Variants in MCHR2 observed in about 807,000 individuals in gnomAD.
The protein encoded by MCHR2 is melanin concentrating hormone receptor 2, also known as melanin-concentrating hormone receptor 2.
In MCHR2, 15 loss-of-function variants were observed where a neutral mutation model predicts 24.8. The ratio of observed to expected loss-of-function variants is 0.60; its 90% CI spans 0.40 to 0.93. The LOEUF (loss-of-function observed/expected upper bound fraction) is 0.93, where lower values mean the gene tolerates loss of function less well. Ranked by LOEUF, MCHR2 falls within the 40% of genes least tolerant of loss-of-function variation. The pLI, the probability that MCHR2 is intolerant of heterozygous loss-of-function variation, is 0.00. For synonymous variants in MCHR2, 151 were observed against 147.6 expected (o/e 1.02, Z -0.17); for missense variants, 386 against 408.7 (o/e 0.94, Z 0.48).
intron 5 of MCHR2, among the ~76,000 whole-genome samples, chr6:99,929,774 C>A (rs9389856): frequency 6.7e-6 from 1 of 149,620 alleles, no homozygotes; most frequent in Non-Finnish European, 1.5e-5. Context: ...CACACTGATG[C>A]ATCTTGACTC....
intron 5 of MCHR2, among the ~76,000 whole-genome samples, chr6:99,932,186 C>G (rs1271389453): frequency 6.6e-6 from 1 of 152,068 alleles, no homozygotes; most frequent in African/African-American, 2.4e-5. Context: ...TGTTATGCCA[C>G]TCTCTCCTGG....
chr6:99,955,577 A>G (rs1159250557), intron 2 of MCHR2, among the ~76,000 whole-genome samples: 1 of 152,136 alleles, frequency 6.6e-6, no homozygotes, highest in Admixed American at 6.6e-5. Flanking sequence ...GAAATGTTGC[A>G]TTGCAGTTTT....
At chr6:99,978,731 T>C (rs762540218) in intron 1 of MCHR2, among the ~76,000 whole-genome samples, 3 of 152,090 alleles carry the variant, frequency 2.0e-5, no homozygotes, top group Non-Finnish European at 4.4e-5. Flanking sequence ...GACAGTTCTT[T>C]AGAAGAAAAG....
intron 1 of MCHR2, among the ~76,000 whole-genome samples, chr6:99,984,868 G>GA (rs1775742669): frequency 6.6e-6 from 1 of 152,044 alleles, no homozygotes; most frequent in Non-Finnish European, 1.5e-5. Context: ...CATTCAATCA[G>GA]AAAAAAGTAA....
chr6:99,949,143 A>C (rs539817279), intron 2 of MCHR2, among the ~76,000 whole-genome samples: 8 of 152,212 alleles, frequency 5.3e-5, no homozygotes, highest in Non-Finnish European at 1.2e-4. Context: ...GATTCTGTTC[A>C]TTAATTCAAA....
In MCHR2 at chr6:99,934,517, C is replaced by A. The variant is rs747754670; in HGVS notation, c.588G>T (p.Trp196Cys). Reference protein sequence around the residue: ...FDLTSPDDVLWYTLYLTITTF... With the variant: ...FDLTSPDDVLCYTLYLTITTF... ...TTGTTATCGTCAAATAAAGTGTATA[C>A]CTGTAAAATGAGAGAGAGAAGAGAG... is the stretch of plus-strand genomic sequence containing the variant. The change falls in exon 5 of 6, where the codon TGG (tryptophan) becomes TGT (cysteine). Residue 196 changes from tryptophan to cysteine, a missense_variant and splice_region_variant. Coordinates refer to ENST00000281806, the MANE Select transcript of MCHR2 (RefSeq NM_001040179.2). 1.3e-6 allele frequency: 2 copies of A among 1,573,018 alleles called. No individual in the cohort carries two copies. Among genetic ancestry groups the A allele is most frequent in the Middle Eastern group, 1.7e-4 (1 of 5,872 alleles).
rs1460655301 is a variant in MCHR2, at chr6:99,920,173, TCTC to T, written c.*764_*766del. ...CAACTCATTTCTATCAGACTTTAGT[TCTC>T]CTCTTGTAGGGCTACAGGAGAAAGC... On this transcript the variant is annotated 3_prime_UTR_variant, in exon 6 of 6. Coordinates refer to ENST00000281806, the MANE Select transcript of MCHR2 (RefSeq NM_001040179.2). The T allele has an allele frequency of 6.6e-6, 1 of 152,202 alleles. No homozygotes were observed. Among genetic ancestry groups the T allele is most frequent in the African/African-American group, 2.4e-5 (1 of 41,452 alleles). The allele number at this position is 152,202 out of a possible 1,614,324, so 9.4% of individuals were successfully genotyped here.
At chr6:99,951,576 C>T (rs191886759) in intron 2 of MCHR2, among the ~76,000 whole-genome samples, 3 of 152,276 alleles carry the variant, frequency 2.0e-5, no homozygotes, top group African/African-American at 7.2e-5. Context: ...TATTGGCCAA[C>T]TGGACCACAG....
rs962740752 is a variant in MCHR2 at position 99,970,958 on chromosome 6, A to G, written c.-27-14784T>C. ...GTACCAGTACCATGCTGTTTTGGTT[A>G]CTGTAGCCTTGTAGTATAGTTTGAA... On this transcript the variant is annotated intron_variant, in intron 1 of 5. Coordinates refer to ENST00000281806, the MANE Select transcript of MCHR2 (RefSeq NM_001040179.2). 1.3e-4 allele frequency among the ~76,000 whole-genome samples: 20 copies of G among 152,286 alleles called. No individual in the cohort carries two copies. In the East Asian group the frequency reaches 2.7e-3, roughly 21 times the overall value.
intron 2 of MCHR2, among the ~76,000 whole-genome samples, chr6:99,955,535 G>A (rs559431170): frequency 6.6e-6 from 1 of 152,222 alleles, no homozygotes; most frequent in African/African-American, 2.4e-5. Flanking sequence ...AAACAGGTCA[G>A]CTTTTTAGGA....
At chr6:99,955,934 A>AT in intron 2 of MCHR2, 32 bp downstream of exon 2, 1 of 1,435,776 alleles carries the variant, frequency 7.0e-7, no homozygotes, top group South Asian at 1.5e-5. Context: ...AAAGTATGGA[A>AT]GGAAAAAAAA....
At chr6:99,933,252 A>G (rs1343947560) in intron 5 of MCHR2, among the ~76,000 whole-genome samples, 2 of 152,034 alleles carry the variant, frequency 1.3e-5, no homozygotes, top group Non-Finnish European at 2.9e-5. Flanking sequence ...TTGCATTTTT[A>G]TGTGTATGAG....
chr6:99,935,558 T>A (rs1365535435), intron 4 of MCHR2, among the ~76,000 whole-genome samples: 1 of 152,046 alleles, frequency 6.6e-6, no homozygotes, highest in African/African-American at 2.4e-5. Flanking sequence ...TTTTTATGGA[T>A]GAATGATATT....
chr6:99,976,019 T>C (rs1041199578), intron 1 of MCHR2, among the ~76,000 whole-genome samples: 7 of 152,176 alleles, frequency 4.6e-5, no homozygotes, highest in Non-Finnish European at 1.0e-4. Context: ...GGTGCAGGGT[T>C]TGTGGATCTT....
At chr6:99,958,224 G>A (rs961511867) in intron 1 of MCHR2, among the ~76,000 whole-genome samples, 2 of 152,006 alleles carry the variant, frequency 1.3e-5, no homozygotes, top group African/African-American at 4.8e-5. Context: ...TGTCACTTTA[G>A]AGAAGTGAGG....
rs199939491 is a variant in MCHR2, at chr6:99,956,186, T to G, written c.-27-12A>C. 6.6e-7 allele frequency: 1 copy of G among 1,524,064 alleles called. No homozygotes were observed. The highest frequency in any genetic ancestry group is 8.9e-7 in the Non-Finnish European group (1 of 1,119,498). The allele number at this position is 1,524,064 out of a possible 1,614,324, so 94.4% of individuals were successfully genotyped here. A position where few individuals can be genotyped will look rare whatever the true frequency, so the allele number is the denominator to read the frequency against. ...TCCAGGGATTAAAGCTGTGAAGTAA[T>G]AGGAAGTGATTTATTTAGTGAACAT... On this transcript the variant is annotated splice_polypyrimidine_tract_variant and intron_variant, in intron 1 of 5. Transcript: ENST00000281806.
intron 5 of MCHR2, among the ~76,000 whole-genome samples, chr6:99,928,918 A>C (rs939895506): frequency 5.3e-5 from 8 of 151,864 alleles, no homozygotes; most frequent in Non-Finnish European, 8.8e-5. Flanking sequence ...TACTTCTTTT[A>C]ATTGTGATGT....
chr6:99,928,668 G>C (rs887805050), intron 5 of MCHR2, among the ~76,000 whole-genome samples: 3 of 152,114 alleles, frequency 2.0e-5, no homozygotes, highest in Admixed American at 2.0e-4. Context: ...GTATTTCTGT[G>C]GGATCAGTGG....
chr6:99,928,526 G>A (rs1368912123), intron 5 of MCHR2, among the ~76,000 whole-genome samples: 4 of 152,096 alleles, frequency 2.6e-5, no homozygotes, highest in Non-Finnish European at 5.9e-5. Context: ...CCTGTTATTG[G>A]TCTATTCAGA....
Sources: allele counts gnomAD v4.1 joint callset (sites outside exome capture counted in the v4.1 genomes callset), GRCh38; gene constraint gnomAD v4.1.1; transcripts MANE v1.5; gene names NCBI Gene and HGNC (gene_info 2026-07-23, HGNC 2026-07-21).